Variants in SCAPER observed in about 807,000 individuals in gnomAD.
The protein encoded by SCAPER is S phase cyclin A-associated protein in the endoplasmic reticulum.
Under a neutral mutation model 182.2 loss-of-function variants are expected in SCAPER, and 98 were observed. The observed-to-expected ratio is 0.54, with a 90% CI of 0.46 to 0.64. The LOEUF (loss-of-function observed/expected upper bound fraction) is 0.64, where lower values mean the gene tolerates loss of function less well. Among genes scored for constraint, SCAPER ranks in the 30% least tolerant of loss-of-function variants. The pLI is 0.00. For missense variants in SCAPER, 1,432 were observed against 1,690.0 expected (o/e 0.85, Z 2.68); for synonymous variants, 605 against 564.6 (o/e 1.07, Z -1.01).
chr15:76,678,424 T>C (rs2057490162), intron 20 of SCAPER, among the ~76,000 whole-genome samples: 1 of 151,830 alleles, frequency 6.6e-6, no homozygotes, highest in Non-Finnish European at 1.5e-5. Flanking sequence ...TTTTTTTTCC[T>C]CACATTTAAA....
At chr15:76,639,907 T>C (rs1180760768) in intron 21 of SCAPER, among the ~76,000 whole-genome samples, 8 of 152,222 alleles carry the variant, frequency 5.3e-5, no homozygotes, top group Admixed American at 2.0e-4. Context: ...ATACTTGTAT[T>C]GACTCATCCT....
At chr15:76,680,912 C>A (rs1456910001) in intron 20 of SCAPER, among the ~76,000 whole-genome samples, 1 of 152,188 alleles carries the variant, frequency 6.6e-6, no homozygotes, top group East Asian at 1.9e-4. Flanking sequence ...TACTAAGACA[C>A]ATTTATATAG....
chr15:76,774,325 G>C lies in SCAPER; in HGVS notation c.1035+530C>G, dbSNP rs895523548. 4.4e-5 allele frequency: 15 copies of C among 340,828 alleles called. No individual in the cohort carries two copies. In the Admixed American group the frequency reaches 6.5e-4, roughly 15 times the overall value. The allele number at this position is 340,828 out of a possible 1,614,324, so 21.1% of individuals were successfully genotyped here. A position where few individuals can be genotyped will look rare whatever the true frequency, so the allele number is the denominator to read the frequency against. On this transcript the variant is annotated intron_variant, in intron 9 of 31. Transcript: ENST00000563290. The stretch of plus-strand genomic sequence containing the variant: ...ATTAATGTCATGAAAGACAAAGACA[G>C]GTGGAGGAACTATATCCAATGAAAG...
At chr15:76,503,843 A>AT (rs953095304) in intron 24 of SCAPER, among the ~76,000 whole-genome samples, 2 of 151,684 alleles carry the variant, frequency 1.3e-5, no homozygotes, top group Non-Finnish European at 2.9e-5. Context: ...TACTCTTGGA[A>AT]TTTTTTTTCC....
chr15:76,788,577 C>A (rs1049718216), intron 8 of SCAPER, among the ~76,000 whole-genome samples: 2 of 151,962 alleles, frequency 1.3e-5, no homozygotes, highest in Admixed American at 1.3e-4. Flanking sequence ...TAATTCATTA[C>A]CCTGTTTTTG....
intron 21 of SCAPER, among the ~76,000 whole-genome samples, chr15:76,637,742 A>G (rs56889247): frequency 1.8e-3 from 188 of 105,762 alleles, no homozygotes; most frequent in African/African-American, 4.4e-3. Context: ...ATATATATAT[A>G]TGTGTGTGTG....
intron 5 of SCAPER, among the ~76,000 whole-genome samples, chr15:76,816,092 A>G (rs1248522098): frequency 1.3e-5 from 2 of 152,166 alleles, no homozygotes; most frequent in Non-Finnish European, 2.9e-5. Context: ...AGTAAAGGAG[A>G]GAATGGTAAG....
At chr15:76,719,381 G>A (rs1190006192) in intron 17 of SCAPER, among the ~76,000 whole-genome samples, 1 of 152,120 alleles carries the variant, frequency 6.6e-6, no homozygotes, top group East Asian at 1.9e-4. Flanking sequence ...GTTATCACGG[G>A]TGTGCATAAG....
rs1596272322 is a variant in SCAPER, at chr15:76,354,886, T to A, written c.3856-746A>T. Among the ~76,000 whole-genome samples, 1 of 152,262 alleles carries A rather than the reference T, an allele frequency of 6.6e-6. No homozygotes were observed. The highest frequency in any genetic ancestry group is 2.4e-5 in the African/African-American group (1 of 41,576). On this transcript the variant is annotated intron_variant, in intron 29 of 31. Coordinates refer to ENST00000563290, the MANE Select transcript of SCAPER (RefSeq NM_020843.4). The surrounding 1 kb of genome is among the most constrained non-coding windows in gnomAD (Gnocchi z 4.4). ...TACTCCCTAGGCCTCCATGATAAAC[T>A]AAGAAATGTCAAAATTAGATCTGTT...
At chr15:76,639,341 AAGT>A (rs1490932263) in intron 21 of SCAPER, among the ~76,000 whole-genome samples, 1 of 152,192 alleles carries the variant, frequency 6.6e-6, no homozygotes, top group Non-Finnish European at 1.5e-5. Flanking sequence ...CTTATCAAAA[AAGT>A]AGTGACAACC....
chr15:76,676,336 G>A (rs907687449), intron 20 of SCAPER, among the ~76,000 whole-genome samples: 2 of 152,044 alleles, frequency 1.3e-5, no homozygotes, highest in Admixed American at 6.5e-5. Flanking sequence ...AATGCTGTTC[G>A]CTTCAAGTCA....
At chr15:76,694,362 A>T (rs977437676) in intron 20 of SCAPER, among the ~76,000 whole-genome samples, 4 of 152,128 alleles carry the variant, frequency 2.6e-5, no homozygotes, top group African/African-American at 7.2e-5. Context: ...TATGAATGAG[A>T]TAATTTTATT....
At chr15:76,432,376 G>C (rs1177033612) in intron 26 of SCAPER, among the ~76,000 whole-genome samples, 1 of 152,258 alleles carries the variant, frequency 6.6e-6, no homozygotes, top group Non-Finnish European at 1.5e-5. Flanking sequence ...GAAGGGGTAA[G>C]TGAACAAAGT....
intron 5 of SCAPER, among the ~76,000 whole-genome samples, chr15:76,809,759 C>T (rs1230185011): frequency 6.7e-6 from 1 of 149,552 alleles, no homozygotes; most frequent in Non-Finnish European, 1.5e-5. Context: ...TCCAGAAAGC[C>T]CAAATAACTA....
At chr15:76,486,033 C>T (rs1227086772) in intron 24 of SCAPER, among the ~76,000 whole-genome samples, 1 of 152,050 alleles carries the variant, frequency 6.6e-6, no homozygotes, top group African/African-American at 2.4e-5. Context: ...TGGTGAAACC[C>T]CGTCTCTACC....
chr15:76,375,326 T>C (rs1464079285), intron 29 of SCAPER, among the ~76,000 whole-genome samples: 5 of 151,186 alleles, frequency 3.3e-5, no homozygotes, highest in Non-Finnish European at 5.9e-5. Flanking sequence ...ATTAAAGCAG[T>C]TTAAAGCAAA....
chr15:76,861,219 A>G (rs1239888306), intron 3 of SCAPER, among the ~76,000 whole-genome samples: 3 of 152,226 alleles, frequency 2.0e-5, no homozygotes, highest in Non-Finnish European at 4.4e-5. Flanking sequence ...TGTTTCAACA[A>G]AAACAGGATA....
rs2143828316 is a variant in SCAPER, at chr15:76,504,879, T to C, written c.2934A>G (p.Thr978=). Residue 978 remains threonine, a synonymous_variant, in exon 24 of 32, where the codon ACA becomes ACG. Transcript: ENST00000563290. ...QAVVPATNVN[T]VLRIPPKSLC... ...CTTACTTAGGAGGAATTCTTAAAAC[T>C]GTGTTCACATTTGTGGCTGGGACTA... 1.2e-6 allele frequency: 2 copies of C among 1,609,546 alleles called. No homozygotes were observed. The highest frequency in any genetic ancestry group is 1.7e-6 in the Non-Finnish European group (2 of 1,178,528).
intron 27 of SCAPER, among the ~76,000 whole-genome samples, chr15:76,391,667 C>T (rs2043709612): frequency 6.6e-6 from 1 of 152,180 alleles, no homozygotes; most frequent in African/African-American, 2.4e-5. Context: ...AATGATCGTT[C>T]ACTAGTATTT....
Sources: gnomAD v4.1 joint callset for allele counts (sites outside exome capture counted in the v4.1 genomes callset) on GRCh38, gnomAD v4.1.1 for gene constraint, Gnocchi (gnomAD v3.1) non-coding constraint, MANE v1.5 for transcripts, NCBI Gene and HGNC (gene_info 2026-07-23, HGNC 2026-07-21) for gene names.